Variants in FAT3 observed in about 807,000 individuals in gnomAD.
The protein encoded by FAT3 is FAT atypical cadherin 3.
Under a neutral mutation model 310.2 loss-of-function variants are expected in FAT3, and 95 were observed. That is an observed-to-expected ratio of 0.31 (90% CI 0.26 to 0.36). The LOEUF (loss-of-function observed/expected upper bound fraction) is 0.36. Among genes scored for constraint, FAT3 ranks in the 10% least tolerant of loss-of-function variants. The pLI is 1.00. For missense variants in FAT3, 5,408 were observed against 5,715.6 expected (o/e 0.95, Z 1.74); for synonymous variants, 2,314 against 2,192.9 (o/e 1.06, Z -1.54).
intron 3 of FAT3, among the ~76,000 whole-genome samples, chr11:92,690,449 T>C (rs1943768038): frequency 6.6e-6 from 1 of 152,214 alleles, no homozygotes; most frequent in Non-Finnish European, 1.5e-5. Context: ...TGTGCTCAAT[T>C]GAGCAATTCC....
At chr11:92,721,774 G>C (rs1207674163) in intron 4 of FAT3, among the ~76,000 whole-genome samples, 1 of 152,146 alleles carries the variant, frequency 6.6e-6, no homozygotes, top group Non-Finnish European at 1.5e-5. Flanking sequence ...TGGCAGGAGA[G>C]ACCTCACAAT....
intron 2 of FAT3, among the ~76,000 whole-genome samples, chr11:92,371,526 G>A (rs1344930493): frequency 6.6e-6 from 1 of 152,184 alleles, no homozygotes; most frequent in African/African-American, 2.4e-5. Flanking sequence ...GACCAGCCTT[G>A]CCAACATGGT....
chr11:92,628,128 C>T (rs775145000), intron 3 of FAT3, among the ~76,000 whole-genome samples: 20 of 152,156 alleles, frequency 1.3e-4, no homozygotes, highest in Non-Finnish European at 2.2e-4. Flanking sequence ...CCATAATGGG[C>T]CATGAGCGAC....
At chr11:92,475,897 G>C (rs7126812) in intron 2 of FAT3, among the ~76,000 whole-genome samples, 4,574 of 152,210 alleles carry the variant, frequency 0.03, 229 homozygotes, top group African/African-American at 0.1. Context: ...TTTATGGAGA[G>C]AGCAGGTCAT....
intron 2 of FAT3, among the ~76,000 whole-genome samples, chr11:92,401,289 C>A (rs1446121614): frequency 6.6e-6 from 1 of 152,092 alleles, no homozygotes; most frequent in Non-Finnish European, 1.5e-5. Context: ...TGGAACTCTA[C>A]CAGGTGCTCA....
At chr11:92,385,362 T>C (rs1374470191) in intron 2 of FAT3, among the ~76,000 whole-genome samples, 1 of 151,516 alleles carries the variant, frequency 6.6e-6, no homozygotes, top group Non-Finnish European at 1.5e-5. Context: ...TGAGACAGAG[T>C]CTTATTTTAT....
intron 1 of FAT3, among the ~76,000 whole-genome samples, chr11:92,312,595 C>T (rs1053656502): frequency 6.6e-5 from 10 of 152,168 alleles, no homozygotes; most frequent in Admixed American, 3.9e-4. Flanking sequence ...AGTCCTAGGG[C>T]TCTCACAAAC....
intron 3 of FAT3, among the ~76,000 whole-genome samples, chr11:92,663,235 G>T (rs1707884565): frequency 6.6e-6 from 1 of 152,196 alleles, no homozygotes; most frequent in Non-Finnish European, 1.5e-5. Flanking sequence ...CAAGTATGAT[G>T]AGTTGTATTG....
At chr11:92,399,680 G>A (rs916090037) in intron 2 of FAT3, among the ~76,000 whole-genome samples, 9 of 152,096 alleles carry the variant, frequency 5.9e-5, no homozygotes, top group Admixed American at 3.3e-4. Context: ...GCATGGGTTC[G>A]TATTTTACAG....
At chr11:92,470,235 T>C (rs1951871520) in intron 2 of FAT3, among the ~76,000 whole-genome samples, 1 of 152,216 alleles carries the variant, frequency 6.6e-6, no homozygotes, top group Admixed American at 6.5e-5. Context: ...TGGATAATTA[T>C]AAGCAAACGT....
At chr11:92,331,746 C>G (rs111482271) in intron 1 of FAT3, among the ~76,000 whole-genome samples, 4,006 of 152,230 alleles carry the variant, frequency 0.026, 198 homozygotes, top group African/African-American at 0.092. Context: ...ACGGAATTTT[C>G]TGGCCTATGT....
intron 2 of FAT3, among the ~76,000 whole-genome samples, chr11:92,387,128 G>A (rs1031348909): frequency 4.6e-5 from 7 of 150,966 alleles, no homozygotes; most frequent in South Asian, 2.1e-4. Flanking sequence ...GGGAAGGAAC[G>A]TCAGAGCGTC....
chr11:92,883,145 T>C lies in FAT3; in HGVS notation c.12689T>C (p.Val4230Ala), dbSNP rs1949714781. The change falls in exon 24 of 28, where the codon GTC (valine) becomes GCC (alanine). Residue 4230 changes from valine (V) to alanine (A), a missense_variant. By Grantham distance (64) the Val-to-Ala change is moderately conservative (BLOSUM62 0). This residue lies in a region of FAT3 where 649 missense variants were observed against 666.2 expected (regional missense o/e 0.97). Coordinates refer to ENST00000525166, the MANE Select transcript of FAT3 (RefSeq NM_001367949.2). This position sits in a 1 kb window ranked among gnomAD's most constrained non-coding sequence, Gnocchi z 4.2. ...TACCAGGAGGTGGGGCCCCCGCAGG[T>C]CCCCGTGCGCCCCATGGCCTACACA... ...NVYQEVGPPQ[V>A]PVRPMAYTPC... 6.2e-7 allele frequency: 1 copy of C among 1,613,282 alleles called. No individual in the cohort carries two copies. Among genetic ancestry groups the C allele is most frequent in the Admixed American group, 1.7e-5 (1 of 60,000 alleles).
intron 2 of FAT3, among the ~76,000 whole-genome samples, chr11:92,509,211 A>G (rs1199715698): frequency 6.6e-6 from 1 of 152,178 alleles, no homozygotes; most frequent in African/African-American, 2.4e-5. Context: ...CCAACAAATA[A>G]TGCAAATCTT....
chr11:92,426,039 G>A (rs1368774287), intron 2 of FAT3, among the ~76,000 whole-genome samples: 1 of 152,098 alleles, frequency 6.6e-6, no homozygotes, highest in Non-Finnish European at 1.5e-5. Context: ...ATCCTCTCCA[G>A]CATCTGTTGT....
intron 6 of FAT3, among the ~76,000 whole-genome samples, chr11:92,769,056 A>G (rs73560316): frequency 0.014 from 2,207 of 152,260 alleles, 72 homozygotes; most frequent in African/African-American, 0.05. Flanking sequence ...GCTTAACTGC[A>G]TTTCTTTGTC....
chr11:92,510,133 C>A (rs1411655088), intron 2 of FAT3, among the ~76,000 whole-genome samples: 2 of 152,132 alleles, frequency 1.3e-5, no homozygotes, highest in East Asian at 3.9e-4. Context: ...AGATATCTAA[C>A]TGAAATCTGT....
intron 6 of FAT3, among the ~76,000 whole-genome samples, chr11:92,772,036 C>T (rs1946472014): frequency 1.3e-5 from 2 of 152,080 alleles, no homozygotes; most frequent in Non-Finnish European, 2.9e-5. Flanking sequence ...CTGGAGCAAA[C>T]TAAAGTTTTA....
At chr11:92,667,229 C>G (rs1398819298) in intron 3 of FAT3, among the ~76,000 whole-genome samples, 1 of 152,170 alleles carries the variant, frequency 6.6e-6, no homozygotes, top group Admixed American at 6.5e-5. Context: ...AACTGTCCAC[C>G]ATTTAAAACA....
Sources: allele counts gnomAD v4.1 joint callset (sites outside exome capture counted in the v4.1 genomes callset), GRCh38; gene constraint gnomAD v4.1.1; regional missense constraint gnomAD v4.1.1; non-coding constraint Gnocchi (gnomAD v3.1); transcripts MANE v1.5; gene names NCBI Gene and HGNC (gene_info 2026-07-23, HGNC 2026-07-21).